The following GALNT6 variants were observed in gnomAD, a reference collection of about 807,000 sequenced individuals.
GALNT6 encodes the protein polypeptide N-acetylgalactosaminyltransferase 6.
A neutral mutation model predicts 65.9 loss-of-function variants in GALNT6; 51 were observed. The observed-to-expected ratio is 0.77, with a 90% CI of 0.62 to 0.98. The LOEUF (loss-of-function observed/expected upper bound fraction) is 0.98. GALNT6 is among the 50% of genes least tolerant of loss of function. GALNT6 has a pLI of 0.00. For missense variants in GALNT6, 708 were observed against 803.3 expected (o/e 0.88, Z 1.43); for synonymous variants, 323 against 315.1 (o/e 1.02, Z -0.26).
In GALNT6 at chr12:51,364,361, G is replaced by A. The variant is rs2137599319; in HGVS notation, c.815-6C>T. ...CCAGCCGTGGAAGCACTCACCTGCA[G>A]GCCCCAACCAGGAGGCAGCAGTCAG... On this transcript the variant is annotated splice_region_variant and splice_polypyrimidine_tract_variant and intron_variant, in intron 5 of 11. Transcript: ENST00000356317. The A allele has an allele frequency of 6.2e-7, 1 of 1,606,546 alleles. No homozygotes were observed. Among genetic ancestry groups the A allele is most frequent in the Middle Eastern group, 1.7e-4 (1 of 6,044 alleles).
At chr12:51,354,578 C>A (rs1007002434) in intron 11 of GALNT6, 86 bp from the exon 12 acceptor site, 2 of 791,222 alleles carry the variant, frequency 2.5e-6, no homozygotes, top group Non-Finnish European at 4.1e-6. Context: ...GTGCAATTGA[C>A]AAAAGCCAAG....
At chr12:51,378,063 G>T (rs1022255789) in intron 3 of GALNT6, among the ~76,000 whole-genome samples, 1 of 152,136 alleles carries the variant, frequency 6.6e-6, no homozygotes, top group Non-Finnish European at 1.5e-5. Context: ...CCCTTTCCTT[G>T]ACCTCCTCTG....
At chr12:51,367,421 C>A (rs191464809) in intron 4 of GALNT6, among the ~76,000 whole-genome samples, 249 of 152,286 alleles carry the variant, frequency 1.6e-3, no homozygotes, top group African/African-American at 5.2e-3. Context: ...AGTGACATAG[C>A]AAGACTTGTC....
intron 10 of GALNT6, 152 bp downstream of exon 10, chr12:51,357,197 T>C (rs1173440920): frequency 1.8e-6 from 1 of 560,606 alleles, no homozygotes; most frequent in Non-Finnish European, 3.3e-6. Context: ...TATTCAGACC[T>C]TGTGTGTGTT....
chr12:51,369,289 G>A (rs1947212892), intron 4 of GALNT6, among the ~76,000 whole-genome samples: 1 of 152,220 alleles, frequency 6.6e-6, no homozygotes, highest in African/African-American at 2.4e-5. Context: ...CAGCCTGAGA[G>A]GCTTCCAGCC....
rs148831223 is a variant in GALNT6, at chr12:51,378,314, C to T, written c.492-947G>A. Reference sequence around the variant, plus strand: ...GGATTACAGGCACCCACTACCATGCCGGGCTAATTTTTTTGTATTTTTAGT... The same window carrying T: ...GGATTACAGGCACCCACTACCATGCTGGGCTAATTTTTTTGTATTTTTAGT... On this transcript the variant is annotated intron_variant, in intron 3 of 11. Coordinates refer to ENST00000356317, the MANE Select transcript of GALNT6 (RefSeq NM_007210.4). Among the ~76,000 whole-genome samples the T allele has an allele frequency of 3.5e-3, 529 of 152,228 alleles. 9 individuals are homozygous for T. Among genetic ancestry groups the T allele is most frequent in the African/African-American group, 0.012 (485 of 41,532 alleles).
intron 5 of GALNT6, among the ~76,000 whole-genome samples, chr12:51,364,918 G>T (rs1947044550): frequency 6.6e-6 from 1 of 152,080 alleles, no homozygotes; most frequent in African/African-American, 2.4e-5. Flanking sequence ...AGTGGGGCAG[G>T]GTCAGAATGC....
intron 4 of GALNT6, among the ~76,000 whole-genome samples, chr12:51,375,197 C>T (rs988826831): frequency 4.6e-5 from 7 of 152,206 alleles, no homozygotes; most frequent in Admixed American, 2.6e-4. Context: ...TTTTAAGTCT[C>T]ATTTCCTAAA....
At chr12:51,359,977 G>A (rs1946869398) in intron 7 of GALNT6, 2 of 152,230 alleles carry the variant, frequency 1.3e-5, no homozygotes, top group Admixed American at 1.3e-4. Context: ...TCATTTTAGT[G>A]TGGCAGCAAC....
Position 51,363,119 on chromosome 12 carries a change from C to T in GALNT6, c.1049+1002G>A, listed in dbSNP as rs556146769. Among the ~76,000 whole-genome samples the T allele has an allele frequency of 1.1e-3, 173 of 152,298 alleles. 1 individual carries two copies. Among genetic ancestry groups the T allele is most frequent in the African/African-American group, 4.0e-3 (168 of 41,556 alleles). Reference sequence around the variant, plus strand: ...TGTATCTCCAACCTCTGCATCCCTCCGTCCTGGATGTATATTCAGTTGAGC... The same window carrying T: ...TGTATCTCCAACCTCTGCATCCCTCTGTCCTGGATGTATATTCAGTTGAGC... On this transcript the variant is annotated intron_variant, in intron 6 of 11. Coordinates refer to ENST00000356317, the MANE Select transcript of GALNT6 (RefSeq NM_007210.4).
In GALNT6 at chr12:51,379,902, A is replaced by G. The variant is rs929203382; in HGVS notation, c.-103-18T>C. 2 of 1,043,350 alleles carry G rather than the reference A, an allele frequency of 1.9e-6. No homozygotes were observed. The highest frequency in any genetic ancestry group is 2.8e-5 in the Admixed American group (1 of 35,506). The allele number at this position is 1,043,350 out of a possible 1,614,324, so 64.6% of individuals were successfully genotyped here. A position where few individuals can be genotyped will look rare whatever the true frequency, so the allele number is the denominator to read the frequency against. ...GCCTCAGCCTGAGAAAGGAGGGGAC[A>G]AGAGAGAGAAGTGAGCCAACACAGG... On this transcript the variant is annotated intron_variant, in intron 2 of 11. Coordinates refer to ENST00000356317, the MANE Select transcript of GALNT6 (RefSeq NM_007210.4).
intron 3 of GALNT6, among the ~76,000 whole-genome samples, chr12:51,377,633 G>C (rs764381665): frequency 2.7e-5 from 4 of 150,734 alleles, no homozygotes; most frequent in Non-Finnish European, 5.9e-5. Context: ...GTGATGCTGA[G>C]GCTCCTCCAC....
chr12:51,358,226 C>G lies in GALNT6; in HGVS notation c.1404G>C (p.Leu468=), dbSNP rs1377699422. ...AGTTGTGACAGTGCAGTTGTTCCCT[C>G]AGCTGCAGTCGTTCCGAAATGTCAC... is the stretch of plus-strand genomic sequence containing the variant. The part of the protein sequence containing the change: ...SFGDISERLQ[L]REQLHCHNFS... The change falls in exon 9 of 12, where the codon CTG becomes CTC. Residue 468 remains leucine, a synonymous_variant. Coordinates refer to ENST00000356317, the MANE Select transcript of GALNT6 (RefSeq NM_007210.4). The G allele has an allele frequency of 6.2e-7, 1 of 1,613,846 alleles. No individual in the cohort carries two copies.
At chr12:51,372,948 C>T (rs961982436) in intron 4 of GALNT6, among the ~76,000 whole-genome samples, 1 of 152,224 alleles carries the variant, frequency 6.6e-6, no homozygotes. Flanking sequence ...GTTGGATTTT[C>T]GATTTGCATG....
rs962670431 is a variant in GALNT6, at chr12:51,354,288, C to T, written c.*91G>A. On this transcript the variant is annotated 3_prime_UTR_variant, in exon 12 of 12. Coordinates refer to ENST00000356317, the MANE Select transcript of GALNT6 (RefSeq NM_007210.4). The stretch of plus-strand genomic sequence containing the variant: ...GGGTTTAGAAATCCATCTTTACGGC[C>T]TCCAGAGAAGCTGGTGATCAGGTTC... 8.5e-6 allele frequency: 6 copies of T among 703,130 alleles called. No individual in the cohort carries two copies. Among genetic ancestry groups the T allele is most frequent in the Non-Finnish European group, 1.4e-5 (6 of 431,904 alleles). 43.6% of individuals were successfully genotyped at this position (703,130 alleles called of 1,614,324 possible). A position where few individuals can be genotyped will look rare whatever the true frequency, so the allele number is the denominator to read the frequency against.
At chr12:51,371,176 G>A (rs982669651) in intron 4 of GALNT6, among the ~76,000 whole-genome samples, 2 of 151,434 alleles carry the variant, frequency 1.3e-5, no homozygotes, top group African/African-American at 2.4e-5. Flanking sequence ...CTCCGCCTCC[G>A]GGGTTCAAGC....
chr12:51,360,630 G>T, intron 7 of GALNT6, 91 bp downstream of exon 7: 1 of 770,128 alleles, frequency 1.3e-6, no homozygotes, highest in Non-Finnish European at 2.3e-6. Context: ...TTCCAGATGG[G>T]ATGTCCCTGA....
chr12:51,367,603 G>A lies in GALNT6; in HGVS notation c.665-2024C>T, dbSNP rs1490922358. 2.0e-5 allele frequency among the ~76,000 whole-genome samples: 3 copies of A among 152,242 alleles called. No individual in the cohort carries two copies. The East Asian group carries it at 5.8e-4, about 29-fold the overall frequency. On this transcript the variant is annotated intron_variant, in intron 4 of 11. Coordinates refer to ENST00000356317, the MANE Select transcript of GALNT6 (RefSeq NM_007210.4). ...GCAGTTTCAGATGTGGGGGACAGAT[G>A]TGACAATTGTGTGTCCTTTTCCTTT...
chr12:51,379,699 T>C lies in GALNT6; in HGVS notation c.83A>G (p.His28Arg), dbSNP rs929151000. 3.7e-6 allele frequency: 6 copies of C among 1,614,034 alleles called. No individual in the cohort carries two copies. Among genetic ancestry groups the C allele is most frequent in the Non-Finnish European group, 5.1e-6 (6 of 1,179,962 alleles). The change falls in exon 3 of 12, where the codon CAT becomes CGT. Residue 28 changes from histidine (H) to arginine (R), a missense_variant. Coordinates refer to ENST00000356317, the MANE Select transcript of GALNT6 (RefSeq NM_007210.4). ...CAFVLFLFLL[H>R]RDVSSREEAT... Reference sequence around the variant, plus strand: ...CTCCTCTCTGCTGCTCACATCCCTATGCAGGAGGAAGAGGAAGAGCACAAA... The same window carrying C: ...CTCCTCTCTGCTGCTCACATCCCTACGCAGGAGGAAGAGGAAGAGCACAAA...
Sources: gnomAD v4.1 joint callset for allele counts (sites outside exome capture counted in the v4.1 genomes callset) on GRCh38, gnomAD v4.1.1 for gene constraint, MANE v1.5 for transcripts, NCBI Gene and HGNC (gene_info 2026-07-23, HGNC 2026-07-21) for gene names.